DLGAP2: variants seen among roughly 807,000 people sequenced by gnomAD.
The protein encoded by DLGAP2 is DLG associated protein 2.
Under a neutral mutation model 100.3 loss-of-function variants are expected in DLGAP2, and 26 were observed. The ratio of observed to expected loss-of-function variants is 0.26; its 90% CI spans 0.19 to 0.36. The LOEUF is 0.36. Ranked by LOEUF, DLGAP2 falls within the 10% of genes least tolerant of loss-of-function variation. The probability of loss-of-function intolerance (pLI) is 1.00; values close to 1 mark genes in which losing one functional copy is unlikely to be tolerated. For synonymous variants in DLGAP2, 886 were observed against 630.1 expected, an observed-to-expected ratio of 1.41 and a Z score of -6.08; for missense variants, 1,858 against 1,453.2, an observed-to-expected ratio of 1.28 and a Z score of -4.53.
At chr8:904,587 T>A (rs1271927060) in intron 1 of DLGAP2, among the ~76,000 whole-genome samples, 1 of 152,174 alleles carries the variant, frequency 6.6e-6, no homozygotes. Flanking sequence ...GTGCTTCTTC[T>A]CCACGTTCTG....
chr8:760,732 G>A (rs144682951), intron 1 of DLGAP2, among the ~76,000 whole-genome samples: 6 of 152,186 alleles, frequency 3.9e-5, no homozygotes, highest in Admixed American at 3.9e-4. Flanking sequence ...ATGTCCCTCA[G>A]TGCAGGGCTT....
intron 6 of DLGAP2, among the ~76,000 whole-genome samples, chr8:1,597,876 A>G (rs1584973337): frequency 6.6e-6 from 1 of 152,068 alleles, no homozygotes; most frequent in African/African-American, 2.4e-5. Flanking sequence ...CTCTTGTCTG[A>G]TTGTCCTGAC....
At chr8:1,580,422 C>A (rs981745363) in intron 6 of DLGAP2, among the ~76,000 whole-genome samples, 1 of 152,090 alleles carries the variant, frequency 6.6e-6, no homozygotes, top group African/African-American at 2.4e-5. Context: ...AATTACCCAG[C>A]GGAGGCTCGA....
At chr8:872,159 A>C (rs1421447539) in intron 1 of DLGAP2, among the ~76,000 whole-genome samples, 1 of 152,066 alleles carries the variant, frequency 6.6e-6, no homozygotes, top group South Asian at 2.1e-4. Context: ...TTTTCTCCAG[A>C]AATTTAGAAG....
chr8:1,074,773 G>C (rs148873065), intron 2 of DLGAP2, among the ~76,000 whole-genome samples: 11 of 152,188 alleles, frequency 7.2e-5, no homozygotes, highest in Non-Finnish European at 5.9e-5. Flanking sequence ...AAGTCATCTG[G>C]TGTATCGTTT....
At chr8:1,255,038 A>G (rs113524354) in intron 2 of DLGAP2, among the ~76,000 whole-genome samples, 56,179 of 98,736 alleles carry the variant, frequency 0.57, 15,722 homozygotes, top group East Asian at 0.69. Context: ...TCTCCTGCCC[A>G]GCCGCTGTGT....
chr8:1,486,992 G>A (rs1193169174), intron 3 of DLGAP2, among the ~76,000 whole-genome samples: 4 of 152,166 alleles, frequency 2.6e-5, no homozygotes, highest in Non-Finnish European at 5.9e-5. Flanking sequence ...GCCACAGCCT[G>A]GCACAGTCAT....
chr8:762,948 A>T (rs1013159861), intron 1 of DLGAP2, among the ~76,000 whole-genome samples: 13 of 152,108 alleles, frequency 8.5e-5, no homozygotes. Flanking sequence ...AAGTGCTGGG[A>T]TTACAGGCGT....
chr8:1,190,451 T>G (rs1280698034), intron 2 of DLGAP2, among the ~76,000 whole-genome samples: 1 of 151,642 alleles, frequency 6.6e-6, no homozygotes, highest in Non-Finnish European at 1.5e-5. Flanking sequence ...TTGGAGTCGC[T>G]CCCCTGTGAC....
At chr8:1,468,126 G>A (rs2130185789) in intron 3 of DLGAP2, among the ~76,000 whole-genome samples, 1 of 152,356 alleles carries the variant, frequency 6.6e-6, no homozygotes, top group Middle Eastern at 3.4e-3. Context: ...CAGGAGCAGG[G>A]AGGTCCAGGC....
At position 1,676,592 on chromosome 8, in the gene DLGAP2, C is replaced by G. The variant is rs775703416; in HGVS notation, c.2262C>G (p.Val754=). ...GCGGTCTGCGGGAATACCACTCTGT[C>G]GGGGTGCAAGTGGAAGATGAGAAGC... The part of the protein sequence containing the change: ...ESRGLREYHS[V]GVQVEDEKRH... The change falls in exon 11 of 15, where the codon GTC becomes GTG. Residue 754 remains valine, a synonymous_variant. Coordinates refer to ENST00000637795, the MANE Select transcript of DLGAP2 (RefSeq NM_001346810.2). The G allele has an allele frequency of 1.2e-6, 2 of 1,613,174 alleles. No individual in the cohort carries two copies. Among genetic ancestry groups the G allele is most frequent in the African/African-American group, 1.3e-5 (1 of 74,932 alleles).
At chr8:1,012,430 G>C (rs1801316853) in intron 2 of DLGAP2, among the ~76,000 whole-genome samples, 1 of 152,262 alleles carries the variant, frequency 6.6e-6, no homozygotes, top group Non-Finnish European at 1.5e-5. Flanking sequence ...AGGATCTCCA[G>C]TAGTCTCTGT....
chr8:1,088,743 C>T (rs1804062887), intron 2 of DLGAP2, among the ~76,000 whole-genome samples: 1 of 135,490 alleles, frequency 7.4e-6, no homozygotes, highest in African/African-American at 2.8e-5. Flanking sequence ...TCACTCTCCC[C>T]ACCCTACTCT....
intron 2 of DLGAP2, among the ~76,000 whole-genome samples, chr8:1,228,060 A>C (rs1004133258): frequency 1.3e-5 from 2 of 151,938 alleles, no homozygotes; most frequent in African/African-American, 4.8e-5. Flanking sequence ...GGGGAACATC[A>C]CACACTGGGG....
intron 4 of DLGAP2, among the ~76,000 whole-genome samples, chr8:1,515,694 A>G (rs1266094240): frequency 6.6e-6 from 1 of 152,220 alleles, no homozygotes; most frequent in African/African-American, 2.4e-5. Flanking sequence ...CAACATGCAC[A>G]AATATGCAGA....
chr8:955,357 A>G (rs1245488507), intron 2 of DLGAP2, among the ~76,000 whole-genome samples: 1 of 152,082 alleles, frequency 6.6e-6, no homozygotes, highest in Non-Finnish European at 1.5e-5. Context: ...TCAATGTCAG[A>G]AGCAGGTGCG....
At chr8:1,357,242 CAG>C (rs1200610366) in intron 3 of DLGAP2, among the ~76,000 whole-genome samples, 5 of 152,050 alleles carry the variant, frequency 3.3e-5, no homozygotes, top group African/African-American at 1.2e-4. Flanking sequence ...TCTCAGACTG[CAG>C]AGTGTGCCGG....
At chr8:1,498,816 G>A (rs372266190) in intron 3 of DLGAP2, among the ~76,000 whole-genome samples, 2 of 152,214 alleles carry the variant, frequency 1.3e-5, no homozygotes, top group South Asian at 2.1e-4. Flanking sequence ...TGTACAAAAT[G>A]TAGGCTGAAA....
chr8:1,024,234 A>G lies in DLGAP2; in HGVS notation c.73+116268A>G, dbSNP rs117131082. Among the ~76,000 whole-genome samples, 522 of 87,110 alleles carry G rather than the reference A, an allele frequency of 6.0e-3. 14 individuals are homozygous for G. The highest frequency in any genetic ancestry group is 0.024 in the South Asian group (55 of 2,324). 57.1% of individuals were successfully genotyped at this position (87,110 alleles called of 152,430 possible). Reference sequence around the variant, plus strand: ...CCAAACACCACCCACCCTCCCTGGAAGTGGACAGCCCCGTGCCGAGGCAGA... The same window carrying G: ...CCAAACACCACCCACCCTCCCTGGAGGTGGACAGCCCCGTGCCGAGGCAGA... On this transcript the variant is annotated intron_variant, in intron 2 of 14. Transcript: ENST00000637795.
Sources: gnomAD v4.1 joint callset for allele counts (sites outside exome capture counted in the v4.1 genomes callset) on GRCh38, gnomAD v4.1.1 for gene constraint, MANE v1.5 for transcripts, NCBI Gene and HGNC (gene_info 2026-07-23, HGNC 2026-07-21) for gene names.